Variants in HSF2 observed in about 807,000 individuals in gnomAD.
The protein encoded by HSF2 is heat shock transcription factor 2.
Under a neutral mutation model 65.0 loss-of-function variants are expected in HSF2, and 21 were observed. That is an observed-to-expected ratio of 0.32 (90% CI 0.23 to 0.47). HSF2 has a LOEUF of 0.47. Ranked by LOEUF, HSF2 falls within the 20% of genes least tolerant of loss-of-function variation. HSF2 has a pLI of 1.00. For synonymous variants in HSF2, 225 were observed against 219.1 expected, an observed-to-expected ratio of 1.03 and a Z score of -0.24; for missense variants, 499 against 628.1, an observed-to-expected ratio of 0.79 and a Z score of 2.20.
chr6:122,425,062 T>C (rs955210246), intron 10 of HSF2, among the ~76,000 whole-genome samples: 1 of 151,912 alleles, frequency 6.6e-6, no homozygotes, highest in Non-Finnish European at 1.5e-5. Context: ...ACCCCTATCC[T>C]TTGCCTCTGT....
chr6:122,422,414 A>G, intron 8 of HSF2, 116 bp downstream of exon 8: 1 of 871,218 alleles, frequency 1.1e-6, no homozygotes, highest in East Asian at 2.4e-5. Flanking sequence ...CATTTGGATT[A>G]TTAAACTTGA....
At chr6:122,400,735 A>G (rs1488634668) in intron 1 of HSF2, among the ~76,000 whole-genome samples, 1 of 152,226 alleles carries the variant, frequency 6.6e-6, no homozygotes, top group Non-Finnish European at 1.5e-5. Context: ...ATTTACATCC[A>G]CAGTGCATGT....
chr6:122,430,432 C>T (rs1454061764), intron 11 of HSF2, among the ~76,000 whole-genome samples: 1 of 151,922 alleles, frequency 6.6e-6, no homozygotes, highest in Non-Finnish European at 1.5e-5. Context: ...ACGGTGACGT[C>T]TTTGGAAAAT....
chr6:122,415,843 G>A (rs562972593), intron 4 of HSF2, among the ~76,000 whole-genome samples: 31 of 151,910 alleles, frequency 2.0e-4, no homozygotes, highest in African/African-American at 1.7e-4. Flanking sequence ...GCAAAACCCC[G>A]TTTCTACTAA....
intron 1 of HSF2, among the ~76,000 whole-genome samples, chr6:122,407,777 G>C (rs1773899937): frequency 1.3e-5 from 2 of 152,038 alleles, no homozygotes; most frequent in African/African-American, 4.8e-5. Context: ...TGTAGATATT[G>C]TCTTAATCAG....
chr6:122,426,737 T>C (rs1367165796), intron 10 of HSF2, among the ~76,000 whole-genome samples: 9 of 151,994 alleles, frequency 5.9e-5, no homozygotes, highest in Admixed American at 5.9e-4. Flanking sequence ...CCTGTGGCTT[T>C]TTTGCACCTC....
At chr6:122,412,270 A>G in intron 1 of HSF2, 103 bp from the exon 2 acceptor site, 1 of 696,298 alleles carries the variant, frequency 1.4e-6, no homozygotes, top group Non-Finnish European at 2.6e-6. Context: ...GACATCAAGG[A>G]GGGACTGGAC....
rs199584706 is a variant in HSF2, at chr6:122,412,680, G to A, written c.246G>A (p.Lys82=). The A allele has an allele frequency of 1.0e-4, 168 of 1,612,420 alleles. No individual in the cohort carries two copies. The East Asian group carries it at 3.1e-3, about 30-fold the overall frequency. ...KVVHIDSGIV[K]QERDGPVEFQ... ...TACATATCGACTCTGGAATTGTAAA[G>A]CAAGAAAGAGATGGTCCTGTAGAAT... The change falls in exon 3 of 13, where the codon AAG becomes AAA. Residue 82 remains lysine (K), a synonymous_variant. Coordinates refer to ENST00000368455, the MANE Select transcript of HSF2 (RefSeq NM_004506.4).
At chr6:122,407,795 G>A (rs1773900445) in intron 1 of HSF2, among the ~76,000 whole-genome samples, 1 of 151,600 alleles carries the variant, frequency 6.6e-6, no homozygotes, top group Admixed American at 6.6e-5. Flanking sequence ...CAGTTGGGCT[G>A]CCGTAGCAAG....
At chr6:122,416,080 C>T (rs1774119791) in intron 4 of HSF2, 141 bp from the exon 5 acceptor site, 1 of 563,414 alleles carries the variant, frequency 1.8e-6, no homozygotes, top group East Asian at 2.9e-5. Flanking sequence ...TGTAATTGAA[C>T]CAAAGTTTTC....
intron 1 of HSF2, among the ~76,000 whole-genome samples, chr6:122,407,984 AGAGT>A (rs1358823035): frequency 5.2e-5 from 7 of 134,006 alleles, no homozygotes; most frequent in South Asian, 2.5e-4. Flanking sequence ...AGAGAGAGAG[AGAGT>A]GTGTTCTGGT....
intron 6 of HSF2, 93 bp from the exon 7 acceptor site, chr6:122,420,042 T>G: frequency 8.6e-7 from 1 of 1,167,516 alleles, no homozygotes; most frequent in South Asian, 2.1e-5. Flanking sequence ...ATTAAGTGAG[T>G]GTGCATGTGT....
intron 11 of HSF2, among the ~76,000 whole-genome samples, chr6:122,430,832 G>T (rs1774446561): frequency 6.6e-6 from 1 of 152,112 alleles, no homozygotes; most frequent in South Asian, 2.1e-4. Flanking sequence ...GATGTGAGGA[G>T]AGAAGAAAGT....
intron 1 of HSF2, among the ~76,000 whole-genome samples, chr6:122,404,462 A>G (rs1243496526): frequency 6.6e-6 from 1 of 152,234 alleles, no homozygotes; most frequent in Admixed American, 6.5e-5. Context: ...TAAAGACTCT[A>G]AAAGAGTAGC....
intron 4 of HSF2, among the ~76,000 whole-genome samples, chr6:122,415,047 ATTAG>A (rs781472324): frequency 6.6e-6 from 1 of 152,186 alleles, no homozygotes; most frequent in Non-Finnish European, 1.5e-5. Flanking sequence ...TTCCTTTTAT[ATTAG>A]TTTGGATTAA....
At position 122,432,001 on chromosome 6, in the gene HSF2, G is replaced by C. The variant is rs769578136; in HGVS notation, c.1392G>C (p.Gln464His). The change falls in exon 13 of 13, where the codon CAG becomes CAC. Residue 464 changes from glutamine (Q) to histidine (H), a missense_variant. Gln to His is a conservative substitution (Grantham distance 24). This residue lies in a region of HSF2 where 349 missense variants were observed against 393.5 expected (regional missense o/e 0.89). Transcript: ENST00000368455. ...LDGNPASSVE[Q>H]ASTTASSEVL... is the part of the protein sequence containing the mutation. The stretch of plus-strand genomic sequence containing the variant: ...GGAACCCTGCTTCTTCTGTTGAACA[G>C]GCGAGTACAACAGCATCATCAGAAG... 6.8e-6 allele frequency: 11 copies of C among 1,613,832 alleles called. No individual in the cohort carries two copies. The South Asian group carries it at 1.1e-4, about 16-fold the overall frequency.
chr6:122,404,757 C>A (rs1041785935), intron 1 of HSF2, among the ~76,000 whole-genome samples: 1 of 152,086 alleles, frequency 6.6e-6, no homozygotes, highest in African/African-American at 2.4e-5. Flanking sequence ...ATTGCTTGAA[C>A]CTCACAGGTT....
In HSF2 at chr6:122,413,532, C is replaced by T. The variant is rs745668853; in HGVS notation, c.338C>T (p.Ser113Phe). 2.2e-5 allele frequency: 35 copies of T among 1,571,072 alleles called. No homozygotes were observed. Among genetic ancestry groups the T allele is most frequent in the Non-Finnish European group, 3.0e-5 (34 of 1,145,272 alleles). The change falls in exon 4 of 13, where the codon TCT (serine) becomes TTT (phenylalanine). Residue 113 changes from serine to phenylalanine, a missense_variant. Transcript: ENST00000368455. ...AAATTTACTTTTTCAAAGGTTTCAT[C>T]TTCAAAACCAGAAGAAAATAAAATT... is the stretch of plus-strand genomic sequence containing the variant. ...LLENIKRKVS[S>F]SKPEENKIRQ...
intron 10 of HSF2, among the ~76,000 whole-genome samples, chr6:122,425,658 CTG>C (rs879526341): frequency 1.3e-5 from 2 of 151,944 alleles, no homozygotes; most frequent in Non-Finnish European, 2.9e-5. Context: ...CTAATCTTCT[CTG>C]TTTTATCTAA....
Sources: allele counts gnomAD v4.1 joint callset (sites outside exome capture counted in the v4.1 genomes callset), GRCh38; gene constraint gnomAD v4.1.1; regional missense constraint gnomAD v4.1.1; transcripts MANE v1.5; gene names NCBI Gene and HGNC (gene_info 2026-07-23, HGNC 2026-07-21).